Variants in FAM227B observed in about 807,000 individuals in gnomAD.
The protein encoded by FAM227B is family with sequence similarity 227 member B, also known as protein FAM227B.
Under a neutral mutation model 73.8 loss-of-function variants are expected in FAM227B, and 88 were observed. The ratio of observed to expected loss-of-function variants is 1.19; its 90% CI spans 1.00 to 1.42. The LOEUF (loss-of-function observed/expected upper bound fraction) is 1.42, where lower values mean the gene tolerates loss of function less well. Among genes scored for constraint, FAM227B ranks in the 40% most tolerant of loss-of-function variants. FAM227B has a pLI of 0.00. For synonymous variants in FAM227B, 210 were observed against 190.5 expected, an observed-to-expected ratio of 1.10 and a Z score of -0.84; for missense variants, 632 against 590.9, an observed-to-expected ratio of 1.07 and a Z score of -0.72.
At chr15:49,479,587 G>A (rs1415297889) in intron 11 of FAM227B, among the ~76,000 whole-genome samples, 1 of 127,616 alleles carries the variant, frequency 7.8e-6, no homozygotes, top group South Asian at 2.8e-4. Flanking sequence ...GGATTTCATA[G>A]TTAATACCTC....
chr15:49,466,129 G>A (rs1422369022), intron 11 of FAM227B, among the ~76,000 whole-genome samples: 3 of 152,166 alleles, frequency 2.0e-5, no homozygotes, highest in Non-Finnish European at 4.4e-5. Flanking sequence ...TCACTATGGA[G>A]AAACTGGAAT....
intron 11 of FAM227B, among the ~76,000 whole-genome samples, chr15:49,376,703 T>C (rs1201149360): frequency 6.6e-6 from 1 of 152,102 alleles, no homozygotes; most frequent in Non-Finnish European, 1.5e-5. Context: ...TTGGGGAGTA[T>C]TGTATTAACA....
intron 9 of FAM227B, among the ~76,000 whole-genome samples, chr15:49,542,970 C>T (rs576566654): frequency 2.6e-5 from 4 of 152,068 alleles, no homozygotes; most frequent in Non-Finnish European, 5.9e-5. Context: ...TATAAACATG[C>T]GTGTGCAAGT....
At chr15:49,332,185 G>T (rs2038919848) in intron 14 of FAM227B, among the ~76,000 whole-genome samples, 1 of 151,912 alleles carries the variant, frequency 6.6e-6, no homozygotes, top group African/African-American at 2.4e-5. Flanking sequence ...CAAGCCTTCA[G>T]TTCCACCCAC....
At chr15:49,390,370 T>C (rs2047137483) in intron 11 of FAM227B, among the ~76,000 whole-genome samples, 1 of 152,046 alleles carries the variant, frequency 6.6e-6, no homozygotes, top group Admixed American at 6.6e-5. Flanking sequence ...TTTGTCACTA[T>C]AGCATAATTC....
At chr15:49,373,875 A>G (rs1267044706) in intron 11 of FAM227B, among the ~76,000 whole-genome samples, 1 of 152,186 alleles carries the variant, frequency 6.6e-6, no homozygotes, top group Non-Finnish European at 1.5e-5. Flanking sequence ...TTGCTGATAG[A>G]TACACTTTAG....
intron 10 of FAM227B, among the ~76,000 whole-genome samples, chr15:49,538,245 A>G (rs55993510): frequency 0.25 from 37,905 of 152,092 alleles, 5,073 homozygotes; most frequent in East Asian, 0.38. Flanking sequence ...TGCCTCTACC[A>G]CCGCCAAGAC....
At chr15:49,515,882 A>C (rs28608569) in intron 10 of FAM227B, among the ~76,000 whole-genome samples, 5 of 151,964 alleles carry the variant, frequency 3.3e-5, no homozygotes, top group African/African-American at 9.7e-5. Context: ...GATGTTTGTT[A>C]GATGGGTGGC....
chr15:49,365,890 G>T, intron 13 of FAM227B: 1 of 966,484 alleles, frequency 1.0e-6, no homozygotes, highest in Non-Finnish European at 1.7e-6. Flanking sequence ...AATTAGTGCA[G>T]CAAGAGAGTT....
intron 15 of FAM227B, chr15:49,329,112 T>G (rs370667288): frequency 1.0e-6 from 1 of 993,912 alleles, no homozygotes. Context: ...TTTGCTTGTC[T>G]AGCAAAGCTT....
chr15:49,440,778 G>A (rs748996470), intron 11 of FAM227B, among the ~76,000 whole-genome samples: 8 of 151,562 alleles, frequency 5.3e-5, no homozygotes, highest in Non-Finnish European at 8.9e-5. Flanking sequence ...CTGAACTCAG[G>A]GCTCTACAGA....
chr15:49,562,786 T>G (rs2152338547), intron 9 of FAM227B, among the ~76,000 whole-genome samples: 1 of 152,202 alleles, frequency 6.6e-6, no homozygotes, highest in South Asian at 2.1e-4. Context: ...AAGCATTTGA[T>G]AAAATTCAAC....
At chr15:49,452,442 C>T (rs1405718422) in intron 11 of FAM227B, among the ~76,000 whole-genome samples, 1 of 152,034 alleles carries the variant, frequency 6.6e-6, no homozygotes, top group East Asian at 1.9e-4. Flanking sequence ...TCTATACTTG[C>T]TATGGGAAAA....
chr15:49,546,144 G>T (rs2071836584), intron 9 of FAM227B, among the ~76,000 whole-genome samples: 1 of 151,698 alleles, frequency 6.6e-6, no homozygotes, highest in African/African-American at 2.4e-5. Context: ...GTGTGTGATG[G>T]TCCCCTTCCT....
At chr15:49,337,453 C>A (rs1010975047) in intron 13 of FAM227B, among the ~76,000 whole-genome samples, 1 of 115,986 alleles carries the variant, frequency 8.6e-6, no homozygotes, top group Non-Finnish European at 1.8e-5. Context: ...TGATGCTAAG[C>A]ATTTTTGCAT....
At chr15:49,352,223 G>A (rs2042357991) in intron 13 of FAM227B, among the ~76,000 whole-genome samples, 1 of 152,212 alleles carries the variant, frequency 6.6e-6, no homozygotes, top group Non-Finnish European at 1.5e-5. Context: ...GGCAGAAGCT[G>A]TAAAGCCATT....
rs1022434997 is a variant in FAM227B at position 49,575,184 on chromosome 15, A to G, written c.547-75T>C. 2.6e-5 allele frequency: 20 copies of G among 777,216 alleles called. 1 individual carries two copies. The Admixed American group carries it at 4.5e-4, about 17-fold the overall frequency. 48.1% of individuals were successfully genotyped at this position (777,216 alleles called of 1,614,324 possible). On this transcript the variant is annotated intron_variant, in intron 7 of 15. Transcript: ENST00000299338. Reference sequence around the variant, plus strand: ...AAACATGTTAATGTAAATAGGCTTTATAAAGAGTATGCTTTCATTGCTTAT... The same window carrying G: ...AAACATGTTAATGTAAATAGGCTTTGTAAAGAGTATGCTTTCATTGCTTAT...
chr15:49,596,149 A>G (rs1450636746), intron 3 of FAM227B, among the ~76,000 whole-genome samples: 1 of 152,018 alleles, frequency 6.6e-6, no homozygotes, highest in Non-Finnish European at 1.5e-5. Flanking sequence ...ATCATCACCT[A>G]GGCACACAGT....
chr15:49,478,838 A>C (rs1310612362), intron 11 of FAM227B, among the ~76,000 whole-genome samples: 8 of 152,202 alleles, frequency 5.3e-5, no homozygotes, highest in Non-Finnish European at 1.2e-4. Context: ...GTAATTTTTC[A>C]AATAGGAAAG....
Sources: gnomAD v4.1 joint callset for allele counts (sites outside exome capture counted in the v4.1 genomes callset) on GRCh38, gnomAD v4.1.1 for gene constraint, MANE v1.5 for transcripts, NCBI Gene and HGNC (gene_info 2026-07-23, HGNC 2026-07-21) for gene names.